The following RO60 variants were observed in gnomAD, a reference collection of about 807,000 sequenced individuals.
RO60 encodes Ro60, Y RNA binding protein.
Under a neutral mutation model 55.3 loss-of-function variants are expected in RO60, and 20 were observed. The ratio of observed to expected loss-of-function variants is 0.36; its 90% CI spans 0.25 to 0.53. The LOEUF (loss-of-function observed/expected upper bound fraction) is 0.53, where lower values mean the gene tolerates loss of function less well. Ranked by LOEUF, RO60 falls within the 20% of genes least tolerant of loss-of-function variation. The pLI is 0.92. For synonymous variants in RO60, 213 were observed against 213.6 expected (o/e 1.00, Z 0.02); for missense variants, 558 against 646.6 (o/e 0.86, Z 1.49).
At chr1:193,081,208 C>G (rs1674289430) in intron 5 of RO60, among the ~76,000 whole-genome samples, 156 bp from the exon 6 acceptor site, 1 of 151,594 alleles carries the variant, frequency 6.6e-6, no homozygotes, top group Admixed American at 6.6e-5. Flanking sequence ...GCTGCTATGC[C>G]AGATGAGCAT....
intron 1 of RO60, among the ~76,000 whole-genome samples, chr1:193,063,612 G>A (rs142211786): frequency 2.6e-3 from 392 of 152,168 alleles, no homozygotes; most frequent in African/African-American, 8.9e-3. Flanking sequence ...TGGTGTCTGC[G>A]TTCCAACACT....
Position 193,085,725 on chromosome 1 carries a change from G to A in RO60, c.*994G>A. 1.0e-6 allele frequency: 1 copy of A among 983,342 alleles called. No homozygotes were observed. Among genetic ancestry groups the A allele is most frequent in the Non-Finnish European group, 1.2e-6 (1 of 828,420 alleles). The allele number at this position is 983,342 out of a possible 1,614,324, so 60.9% of individuals were successfully genotyped here. ...AGTTAATATTTTTAAAAGTATACAT[G>A]TCAATGGCCTCTTTGTCCATTATTC... On this transcript the variant is annotated 3_prime_UTR_variant, in exon 9 of 9. Transcript: ENST00000400968.
rs558342645 is a variant in RO60 at position 193,085,270 on chromosome 1, T to C, written c.*539T>C. On this transcript the variant is annotated 3_prime_UTR_variant, in exon 9 of 9. Transcript: ENST00000400968. Reference sequence around the variant, plus strand: ...ATTATGAATGAGTTTTACAAATTCCTTTCAGAGTTTTACTAAGATCACACA... The same window carrying C: ...ATTATGAATGAGTTTTACAAATTCCCTTCAGAGTTTTACTAAGATCACACA... The C allele has an allele frequency of 4.5e-6, 5 of 1,107,654 alleles. No individual in the cohort carries two copies. Among genetic ancestry groups the C allele is most frequent in the Non-Finnish European group, 5.5e-6 (5 of 906,654 alleles). 68.6% of individuals were successfully genotyped at this position (1,107,654 alleles called of 1,614,324 possible). A position where few individuals can be genotyped will look rare whatever the true frequency, so the allele number is the denominator to read the frequency against.
At chr1:193,083,508 G>A (rs1674458968) in intron 8 of RO60, among the ~76,000 whole-genome samples, 1 of 152,168 alleles carries the variant, frequency 6.6e-6, no homozygotes, top group South Asian at 2.1e-4. Flanking sequence ...CTTAAAATAT[G>A]GCTAGTGTGA....
intron 1 of RO60, among the ~76,000 whole-genome samples, chr1:193,063,156 G>T (rs531646668): frequency 8.5e-5 from 13 of 152,120 alleles, no homozygotes; most frequent in Non-Finnish European, 1.2e-4. Context: ...GTATATGAGC[G>T]TTTCATTTTC....
At chr1:193,079,368 C>T (rs189734332) in intron 5 of RO60, among the ~76,000 whole-genome samples, 2 of 152,198 alleles carry the variant, frequency 1.3e-5, no homozygotes, top group East Asian at 1.9e-4. Flanking sequence ...GGATTACAGG[C>T]GTGAACCACT....
At chr1:193,063,240 T>C (rs760991540) in intron 1 of RO60, among the ~76,000 whole-genome samples, 1 of 152,212 alleles carries the variant, frequency 6.6e-6, no homozygotes, top group African/African-American at 2.4e-5. Flanking sequence ...TGGTATCTTA[T>C]TGTGGTTTTG....
Position 193,087,176 on chromosome 1 carries a change from A to G in RO60, c.*2445A>G, listed in dbSNP as rs1403795627. ...AATCTTGTAATTCATAGGAATCCTC[A>G]AGCACAATTAACCTGTGTTGCTATA... On this transcript the variant is annotated 3_prime_UTR_variant, in exon 9 of 9. Coordinates refer to ENST00000400968, the MANE Select transcript of RO60 (RefSeq NM_001173524.2). The G allele has an allele frequency of 6.6e-6, 1 of 152,182 alleles. No individual in the cohort carries two copies. The highest frequency in any genetic ancestry group is 2.4e-5 in the African/African-American group (1 of 41,452). The allele number at this position is 152,182 out of a possible 1,614,324, so 9.4% of individuals were successfully genotyped here.
At chr1:193,084,394 T>C (rs139846052) in intron 8 of RO60, among the ~76,000 whole-genome samples, 185 bp from the exon 9 acceptor site, 2 of 152,248 alleles carry the variant, frequency 1.3e-5, no homozygotes, top group Admixed American at 6.5e-5. Context: ...CAGATTCTTA[T>C]ACAATTTTAT....
In RO60 at chr1:193,069,194, A is replaced by T. The variant is rs768000054; in HGVS notation, c.140A>T (p.Tyr47Phe). The T allele has an allele frequency of 3.1e-6, 5 of 1,614,148 alleles. No individual in the cohort carries two copies. The highest frequency in any genetic ancestry group is 1.1e-5 in the South Asian group (1 of 91,092). ...TTCGGTTCTGAAGGTGGGACTTATT[A>T]TATCAAAGAACAGAAGTTGGGCCTT... is the stretch of plus-strand genomic sequence containing the variant. ...LCFGSEGGTY[Y>F]IKEQKLGLEN... Residue 47 changes from tyrosine (Y) to phenylalanine (F), a missense_variant, in exon 2 of 9, where the codon TAT becomes TTT. Transcript: ENST00000400968.
downstream of RO60, chr1:193,091,324 T>C (rs1674849900): frequency 4.7e-6 from 1 of 212,056 alleles, no homozygotes; most frequent in Non-Finnish European, 9.3e-6. Flanking sequence ...ACATTCACTT[T>C]GCCTTTCAAA....
chr1:193,060,273 G>A (rs1184491482), intron 1 of RO60: 1 of 360,148 alleles, frequency 2.8e-6, no homozygotes, highest in South Asian at 2.6e-5. Flanking sequence ...GTGCGTCAAG[G>A]GAAAATTAGG....
At chr1:193,080,112 CAA>C (rs930638605) in intron 5 of RO60, among the ~76,000 whole-genome samples, 14 of 151,052 alleles carry the variant, frequency 9.3e-5, no homozygotes, top group African/African-American at 3.2e-4. Flanking sequence ...CCCTGGGCAA[CAA>C]GAGTGAAACT....
chr1:193,078,123 C>T (rs977411073), intron 5 of RO60, among the ~76,000 whole-genome samples: 1 of 152,120 alleles, frequency 6.6e-6, no homozygotes, highest in African/African-American at 2.4e-5. Context: ...CAATGTAATA[C>T]ATCACATTAG....
At position 193,059,789 on chromosome 1, in the gene RO60, C is replaced by G; in HGVS notation, c.-22+13C>G. The stretch of plus-strand genomic sequence containing the variant: ...CTGCCAGGTACAGGTGAGGACATTG[C>G]GGGAGGCCGGCTGGGAGCCTTTTGT... On this transcript the variant is annotated intron_variant, in intron 1 of 8. Coordinates refer to ENST00000400968, the MANE Select transcript of RO60 (RefSeq NM_001173524.2). This position sits in a 1 kb window ranked among gnomAD's most constrained non-coding sequence, Gnocchi z 4.9. 2.9e-6 allele frequency: 4 copies of G among 1,356,098 alleles called. No individual in the cohort carries two copies. Among genetic ancestry groups the G allele is most frequent in the Non-Finnish European group, 3.9e-6 (4 of 1,017,098 alleles). The allele number at this position is 1,356,098 out of a possible 1,614,324, so 84.0% of individuals were successfully genotyped here. A position where few individuals can be genotyped will look rare whatever the true frequency, so the allele number is the denominator to read the frequency against.
chr1:193,082,075 A>G, intron 6 of RO60, 111 bp from the exon 7 acceptor site: 1 of 739,892 alleles, frequency 1.4e-6, no homozygotes. Context: ...ACACTAATAA[A>G]AAGTTAAGAA....
Position 193,088,841 on chromosome 1 carries a change from T to A in RO60, c.*4110T>A, listed in dbSNP as rs10737620. ...TCCTTGATGTCTGTTTCCTCATCTC[T>A]TATTTGTTGGAAGATTACTTTTCTA... On this transcript the variant is annotated 3_prime_UTR_variant, in exon 9 of 9. Coordinates refer to ENST00000400968, the MANE Select transcript of RO60 (RefSeq NM_001173524.2). The A allele has an allele frequency of 0.65, 99,438 of 151,976 alleles. 33,192 individuals carry two copies. The highest frequency in any genetic ancestry group is 0.75 in the Middle Eastern group (220 of 294). 9.4% of individuals were successfully genotyped at this position (151,976 alleles called of 1,614,324 possible). A position where few individuals can be genotyped will look rare whatever the true frequency, so the allele number is the denominator to read the frequency against.
At position 193,085,950 on chromosome 1, in the gene RO60, T is replaced by G. The variant is rs1674606018; in HGVS notation, c.*1219T>G. 1 of 985,298 alleles carries G rather than the reference T, an allele frequency of 1.0e-6. No homozygotes were observed. The highest frequency in any genetic ancestry group is 1.7e-5 in the African/African-American group (1 of 57,368). 61.0% of individuals were successfully genotyped at this position (985,298 alleles called of 1,614,324 possible). The stretch of plus-strand genomic sequence containing the variant: ...TTTATTGAGCAAGTATCCTTCATTG[T>G]GAGGTTTAACATTAAAGCAATCTGT... On this transcript the variant is annotated 3_prime_UTR_variant, in exon 9 of 9. Coordinates refer to ENST00000400968, the MANE Select transcript of RO60 (RefSeq NM_001173524.2).
intron 7 of RO60, 90 bp from the exon 8 acceptor site, chr1:193,082,472 A>G: frequency 6.8e-7 from 1 of 1,461,676 alleles, no homozygotes; most frequent in Non-Finnish European, 9.5e-7. Flanking sequence ...GGAAGGCTGT[A>G]TATATTGGTG....
Sources: gnomAD v4.1 joint callset for allele counts (sites outside exome capture counted in the v4.1 genomes callset) on GRCh38, gnomAD v4.1.1 for gene constraint, Gnocchi (gnomAD v3.1) non-coding constraint, MANE v1.5 for transcripts, NCBI Gene and HGNC (gene_info 2026-07-23, HGNC 2026-07-21) for gene names.